Variants in SORBS2 observed in about 807,000 individuals in gnomAD.
SORBS2 encodes the protein sorbin and SH3 domain-containing protein 2.
In SORBS2, 46 loss-of-function variants were observed where a neutral mutation model predicts 97.7. The ratio of observed to expected loss-of-function variants is 0.47; its 90% CI spans 0.37 to 0.60. The LOEUF (loss-of-function observed/expected upper bound fraction) is 0.60, where lower values mean the gene tolerates loss of function less well. SORBS2 is among the 20% of genes least tolerant of loss of function. The pLI, the probability that SORBS2 is intolerant of heterozygous loss-of-function variation, is 0.00. For missense variants in SORBS2, 1,316 were observed against 1,282.3 expected (o/e 1.03, Z -0.40); for synonymous variants, 476 against 473.4 (o/e 1.01, Z -0.07).
intron 1 of SORBS2, chr4:185,812,190 AAT>A (rs1174227240): frequency 2.0e-5 from 3 of 152,270 alleles, no homozygotes; most frequent in Non-Finnish European, 4.4e-5. Context: ...AGCTCAGCAG[AAT>A]ATGCCACACT....
At chr4:185,654,210 G>A (rs1014565374) in intron 1 of SORBS2, among the ~76,000 whole-genome samples, 2 of 152,128 alleles carry the variant, frequency 1.3e-5, no homozygotes, top group African/African-American at 2.4e-5. Flanking sequence ...GTCAAAGGAC[G>A]GGACATGGTG....
At chr4:185,920,547 A>G (rs2099260499) in intron 1 of SORBS2, among the ~76,000 whole-genome samples, 1 of 152,208 alleles carries the variant, frequency 6.6e-6, no homozygotes, top group Non-Finnish European at 1.5e-5. Flanking sequence ...CTGAAAGTGG[A>G]AAAAGTGGAG....
intron 2 of SORBS2, among the ~76,000 whole-genome samples, chr4:185,747,673 C>A (rs2098771394): frequency 6.6e-6 from 1 of 152,152 alleles, no homozygotes; most frequent in Admixed American, 6.5e-5. Flanking sequence ...CGTCCTCCCC[C>A]AGCCTGCACT....
chr4:185,904,658 C>T lies in SORBS2; in HGVS notation c.-338+51538G>A, dbSNP rs28461494. 2.2e-4 allele frequency among the ~76,000 whole-genome samples: 34 copies of T among 152,178 alleles called. No individual in the cohort carries two copies. In the East Asian group the frequency reaches 5.4e-3, roughly 24 times the overall value. Reference sequence around the variant, plus strand: ...AACATCAAGGGTTATGTGAGGCAACCGTACATCTGATTTTGGTATTGTGGT... The same window carrying T: ...AACATCAAGGGTTATGTGAGGCAACTGTACATCTGATTTTGGTATTGTGGT... On this transcript the variant is annotated intron_variant, in intron 1 of 20. Transcript: ENST00000284776.
intron 1 of SORBS2, among the ~76,000 whole-genome samples, chr4:185,913,132 A>G (rs184218136): frequency 6.6e-6 from 1 of 152,356 alleles, no homozygotes; most frequent in Admixed American, 6.5e-5. Context: ...AAAATGCACA[A>G]GGATGTTTTG....
chr4:185,659,812 C>T (rs567058583), upstream of SORBS2, among the ~76,000 whole-genome samples: 1 of 152,256 alleles, frequency 6.6e-6, no homozygotes, highest in African/African-American at 2.4e-5. Flanking sequence ...CTCCATGATA[C>T]TAGTATTTTT....
intron 2 of SORBS2, among the ~76,000 whole-genome samples, chr4:185,725,079 G>A (rs774315320): frequency 5.9e-5 from 9 of 152,028 alleles, no homozygotes; most frequent in Non-Finnish European, 1.3e-4. Flanking sequence ...TAATGAAGAG[G>A]CTTTTTTCTT....
At chr4:185,648,310 G>A (rs1561653562) in intron 3 of SORBS2, among the ~76,000 whole-genome samples, 1 of 152,008 alleles carries the variant, frequency 6.6e-6, no homozygotes, top group Non-Finnish European at 1.5e-5. Flanking sequence ...GAGGTCAGGA[G>A]TTAAGACCAT....
intron 1 of SORBS2, among the ~76,000 whole-genome samples, chr4:185,801,021 C>G (rs994971811): frequency 6.6e-6 from 1 of 152,224 alleles, no homozygotes; most frequent in African/African-American, 2.4e-5. Context: ...AACTGAAAGT[C>G]TGTGCCCTTT....
chr4:185,897,414 G>T (rs1200405835), intron 1 of SORBS2, among the ~76,000 whole-genome samples: 1 of 152,132 alleles, frequency 6.6e-6, no homozygotes, highest in African/African-American at 2.4e-5. Flanking sequence ...ACACCCTTTC[G>T]TCCAATCCTA....
At chr4:185,862,165 AAG>A (rs776141099) in intron 1 of SORBS2, among the ~76,000 whole-genome samples, 18 of 152,242 alleles carry the variant, frequency 1.2e-4, no homozygotes, top group African/African-American at 4.3e-4. Context: ...GCAAGTGCAA[AAG>A]AGAGAGAGAA....
intron 4 of SORBS2, among the ~76,000 whole-genome samples, chr4:185,643,840 T>C (rs1281663928): frequency 6.6e-6 from 1 of 152,174 alleles, no homozygotes. Flanking sequence ...TGAGAATGCA[T>C]GAATAAGACC....
chr4:185,592,683 G>A (rs913488161), intron 13 of SORBS2: 7 of 153,188 alleles, frequency 4.6e-5, no homozygotes, highest in African/African-American at 1.4e-4. Flanking sequence ...AGCCTACTAA[G>A]CAGCTGGGAC....
chr4:185,829,324 T>C (rs1336004340), intron 1 of SORBS2, among the ~76,000 whole-genome samples: 1 of 152,212 alleles, frequency 6.6e-6, no homozygotes, highest in African/African-American at 2.4e-5. Context: ...CTTGTACTAA[T>C]GCAGCTGGCT....
chr4:185,777,945 A>T (rs548360688), intron 1 of SORBS2, among the ~76,000 whole-genome samples: 2 of 152,212 alleles, frequency 1.3e-5, no homozygotes, highest in African/African-American at 2.4e-5. Flanking sequence ...ATAAAAATAG[A>T]TTAATGTTGT....
intron 2 of SORBS2, among the ~76,000 whole-genome samples, chr4:185,721,906 G>T (rs1035828052): frequency 6.6e-6 from 1 of 152,152 alleles, no homozygotes; most frequent in African/African-American, 2.4e-5. Context: ...ATTATCATGT[G>T]AGAGTGCACA....
At chr4:185,732,322 G>A (rs1404354419) in intron 2 of SORBS2, among the ~76,000 whole-genome samples, 3 of 152,206 alleles carry the variant, frequency 2.0e-5, no homozygotes, top group East Asian at 1.9e-4. Flanking sequence ...AAGTGTGACC[G>A]AGAGAGTGTC....
chr4:185,699,811 GGAAATGTATTATTCA>G (rs1298810158), intron 2 of SORBS2, among the ~76,000 whole-genome samples: 4 of 152,064 alleles, frequency 2.6e-5, no homozygotes, highest in Non-Finnish European at 5.9e-5. Context: ...CCATTTTAAT[GGAAATGTATTATTCA>G]GAAATGTATT....
At chr4:185,590,607 T>C (rs1363722444) in intron 13 of SORBS2, among the ~76,000 whole-genome samples, 1 of 152,208 alleles carries the variant, frequency 6.6e-6, no homozygotes, top group Admixed American at 6.5e-5. Flanking sequence ...AAAGAATTAT[T>C]GATAGAATGC....
Sources: gnomAD v4.1 joint callset for allele counts (sites outside exome capture counted in the v4.1 genomes callset) on GRCh38, gnomAD v4.1.1 for gene constraint, MANE v1.5 for transcripts, NCBI Gene and HGNC (gene_info 2026-07-23, HGNC 2026-07-21) for gene names.